Variants in RNF10 observed in about 807,000 individuals in gnomAD.
RNF10 encodes the protein ring finger protein 10.
In RNF10, 38 loss-of-function variants were observed where a neutral mutation model predicts 91.4. The ratio of observed to expected loss-of-function variants is 0.42; its 90% CI spans 0.32 to 0.54. RNF10 has a LOEUF of 0.54. RNF10 is among the 20% of genes least tolerant of loss of function. The pLI, the probability that RNF10 is intolerant of heterozygous loss-of-function variation, is 0.16. For missense variants in RNF10, 945 were observed against 1,012.0 expected, an observed-to-expected ratio of 0.93 and a Z score of 0.90; for synonymous variants, 364 against 366.3, an observed-to-expected ratio of 0.99 and a Z score of 0.07.
chr12:120,544,152 GGGA>G (rs1412918362), intron 1 of RNF10, among the ~76,000 whole-genome samples: 1 of 151,316 alleles, frequency 6.6e-6, no homozygotes, highest in Non-Finnish European at 1.5e-5. Context: ...GCTGGAACCC[GGGA>G]GGTAGAGGTT....
At position 120,563,616 on chromosome 12, in the gene RNF10, T is replaced by C; in HGVS notation, c.1524T>C (p.Phe508=). 8 of 1,597,332 alleles carry C rather than the reference T, an allele frequency of 5.0e-6. No homozygotes were observed. Among genetic ancestry groups the C allele is most frequent in the Non-Finnish European group, 6.8e-6 (8 of 1,170,980 alleles). ...TCAGCAGCTCTCCTTGTTACTACTT[T>C]TACCAAGGTGAGGGTGCCGGAAGAG... is the stretch of plus-strand genomic sequence containing the variant. ...TRLSSSPCYY[F]YQAEDGQHMF... Residue 508 remains phenylalanine (F), a synonymous_variant, in exon 9 of 17, where the codon TTT becomes TTC. Transcript: ENST00000325954.
At chr12:120,558,713 C>G (rs1428693827) in intron 6 of RNF10, among the ~76,000 whole-genome samples, 1 of 151,120 alleles carries the variant, frequency 6.6e-6, no homozygotes, top group African/African-American at 2.4e-5. Flanking sequence ...GGACTACAGG[C>G]GCCCGCCACC....
intron 14 of RNF10, chr12:120,574,523 A>G (rs1302054534): frequency 2.2e-6 from 1 of 456,124 alleles, no homozygotes; most frequent in South Asian, 1.5e-5. Flanking sequence ...AGCTATTGGA[A>G]AAGCAGACTA....
In RNF10 at chr12:120,563,521, C is replaced by T. The variant is rs1334649562; in HGVS notation, c.1429C>T (p.Leu477Phe). 1 of 1,614,132 alleles carries T rather than the reference C, an allele frequency of 6.2e-7. No individual in the cohort carries two copies. Among genetic ancestry groups the T allele is most frequent in the East Asian group, 2.2e-5 (1 of 44,882 alleles). ...CDDLELADDN[L>F]KEGTICTESS... ...TGACTTGGAGTTAGCAGATGACAATCTTAAAGAGGGGACCATTTGCACTGA... is the reference window on the plus strand; with the variant it reads ...TGACTTGGAGTTAGCAGATGACAATTTTAAAGAGGGGACCATTTGCACTGA... Residue 477 changes from leucine to phenylalanine, a missense_variant, in exon 9 of 17, where the codon CTT becomes TTT. Transcript: ENST00000325954.
intron 3 of RNF10, 26 bp from the exon 4 acceptor site, chr12:120,554,692 C>G (rs746378505): frequency 2.6e-6 from 4 of 1,563,690 alleles, no homozygotes; most frequent in South Asian, 1.1e-5. Flanking sequence ...GACAGTCTAG[C>G]TTTTTCCTGT....
Position 120,555,613 on chromosome 12 carries a change from G to A in RNF10, c.645+805G>A, listed in dbSNP as rs1371572202. On this transcript the variant is annotated intron_variant, in intron 4 of 16. Coordinates refer to ENST00000325954, the MANE Select transcript of RNF10 (RefSeq NM_014868.5). ...AGCGATTCTCCTGCCTCAGCCTCCCGAGTAACTGGGACTACAGGCACGCAC... is the reference window on the plus strand; with the variant it reads ...AGCGATTCTCCTGCCTCAGCCTCCCAAGTAACTGGGACTACAGGCACGCAC... Among the ~76,000 whole-genome samples, 8 of 151,796 alleles carry A rather than the reference G, an allele frequency of 5.3e-5. No homozygotes were observed. The South Asian group carries it at 6.2e-4, about 12-fold the overall frequency.
At chr12:120,550,582 C>T (rs1872896882) in intron 2 of RNF10, among the ~76,000 whole-genome samples, 1 of 150,400 alleles carries the variant, frequency 6.6e-6, no homozygotes, top group Admixed American at 6.7e-5. Context: ...GAGAATGTGG[C>T]GTTTTTTTGT....
At chr12:120,543,283 C>G (rs1045424271) in intron 1 of RNF10, among the ~76,000 whole-genome samples, 8 of 152,116 alleles carry the variant, frequency 5.3e-5, no homozygotes, top group African/African-American at 1.9e-4. Flanking sequence ...GAGGCCTGAG[C>G]ATAGGAATTC....
chr12:120,565,338 C>A, intron 11 of RNF10, 90 bp from the exon 12 acceptor site: 1 of 1,275,826 alleles, frequency 7.8e-7, no homozygotes, highest in Admixed American at 1.7e-5. Context: ...CCAGCTGGGC[C>A]TACTGTTGTG....
intron 16 of RNF10, among the ~76,000 whole-genome samples, chr12:120,576,356 C>T (rs2137281065): frequency 6.6e-6 from 1 of 152,342 alleles, no homozygotes; most frequent in East Asian, 1.9e-4. Flanking sequence ...CCAACAACCA[C>T]GTTAAATGGG....
At chr12:120,558,581 T>A (rs1009426206) in intron 6 of RNF10, among the ~76,000 whole-genome samples, 1 of 150,496 alleles carries the variant, frequency 6.6e-6, no homozygotes, top group African/African-American at 2.4e-5. Context: ...ATATATATTT[T>A]TTTTTGAGAC....
chr12:120,541,070 T>G (rs923170704), intron 1 of RNF10, among the ~76,000 whole-genome samples: 3 of 152,166 alleles, frequency 2.0e-5, no homozygotes, highest in Non-Finnish European at 4.4e-5. Flanking sequence ...TTGGTCAGGC[T>G]GGTCTCGAAC....
Position 120,575,673 on chromosome 12 carries a change from A to G in RNF10, c.2185A>G (p.Thr729Ala). ...GKAKADVWPK[T>A]APKKDENSLV... ...AGCAAAAGCAGATGTGTGGCCCAAA[A>G]CTGCTCCAAAGAAAGGTGAGGATGG... The change falls in exon 15 of 17, where the codon ACT (threonine) becomes GCT (alanine). Residue 729 changes from threonine to alanine, a missense_variant. Transcript: ENST00000325954. The G allele has an allele frequency of 6.2e-7, 1 of 1,614,190 alleles. No individual in the cohort carries two copies. The highest frequency in any genetic ancestry group is 8.5e-7 in the Non-Finnish European group (1 of 1,180,032).
At chr12:120,564,948 C>A in intron 10 of RNF10, 124 bp from the exon 11 acceptor site, 1 of 691,942 alleles carries the variant, frequency 1.4e-6, no homozygotes, top group East Asian at 2.5e-5. Flanking sequence ...GATAATTGAG[C>A]ACTACTGTTT....
At chr12:120,570,108 A>C (rs1357299316) in intron 13 of RNF10, 1 of 143,718 alleles carries the variant, frequency 7.0e-6, no homozygotes, top group African/African-American at 2.6e-5. Flanking sequence ...GATGGTCTCG[A>C]TCTCCTGAGC....
rs776143776 is a variant in RNF10 at position 120,563,796 on chromosome 12, C to T, written c.1532-14C>T. 2 of 1,613,542 alleles carry T rather than the reference C, an allele frequency of 1.2e-6. No individual in the cohort carries two copies. Among genetic ancestry groups the T allele is most frequent in the Admixed American group, 1.7e-5 (1 of 59,982 alleles). ...TGGCCAAGACTGGTGTGTGATAGAG[C>T]CCCTTGTCCTCAGCGGAAGATGGAC... On this transcript the variant is annotated splice_polypyrimidine_tract_variant and intron_variant, in intron 9 of 16. Coordinates refer to ENST00000325954, the MANE Select transcript of RNF10 (RefSeq NM_014868.5).
intron 13 of RNF10, among the ~76,000 whole-genome samples, chr12:120,570,402 T>C (rs1876452706): frequency 6.6e-6 from 1 of 151,242 alleles, no homozygotes; most frequent in African/African-American, 2.4e-5. Context: ...GCCAGCCTGG[T>C]CTTGAACTCC....
chr12:120,560,196 A>G (rs10774557), intron 6 of RNF10, among the ~76,000 whole-genome samples: 40,024 of 145,686 alleles, frequency 0.27, 6,511 homozygotes, highest in Admixed American at 0.4. Flanking sequence ...TTGTTGCCCA[A>G]GCTGGAATGC....
intron 13 of RNF10, among the ~76,000 whole-genome samples, chr12:120,568,810 C>T (rs1447242437): frequency 6.6e-6 from 1 of 152,026 alleles, no homozygotes; most frequent in African/African-American, 2.4e-5. Context: ...TTGCTCAGTG[C>T]TGTGATGCAT....
Sources: gnomAD v4.1 joint callset for allele counts (sites outside exome capture counted in the v4.1 genomes callset) on GRCh38, gnomAD v4.1.1 for gene constraint, MANE v1.5 for transcripts, NCBI Gene and HGNC (gene_info 2026-07-23, HGNC 2026-07-21) for gene names.